NR3C2: variants seen among roughly 807,000 people sequenced by gnomAD.
NR3C2 encodes the protein mineralocorticoid receptor.
Under a neutral mutation model 86.4 loss-of-function variants are expected in NR3C2, and 15 were observed. The observed-to-expected ratio is 0.17, with a 90% CI of 0.12 to 0.27. The LOEUF (loss-of-function observed/expected upper bound fraction) is 0.27. Among genes scored for constraint, NR3C2 ranks in the 10% least tolerant of loss-of-function variants. NR3C2 has a pLI of 1.00. For missense variants in NR3C2, 960 were observed against 1,195.6 expected, an observed-to-expected ratio of 0.80 and a Z score of 2.91; for synonymous variants, 458 against 450.5, an observed-to-expected ratio of 1.02 and a Z score of -0.21.
chr4:148,221,368 T>G (rs1737831352), intron 3 of NR3C2, among the ~76,000 whole-genome samples: 1 of 152,228 alleles, frequency 6.6e-6, no homozygotes, highest in Non-Finnish European at 1.5e-5. Flanking sequence ...TTCACTGTAC[T>G]TCACTGTCAG....
chr4:148,429,518 A>T (rs1749702113), intron 2 of NR3C2, among the ~76,000 whole-genome samples: 1 of 152,206 alleles, frequency 6.6e-6, no homozygotes, highest in Non-Finnish European at 1.5e-5. Flanking sequence ...ACTTTTCTAC[A>T]TAAAAATTTT....
chr4:148,081,189 C>G lies in NR3C2; in HGVS notation c.*155G>C. On this transcript the variant is annotated 3_prime_UTR_variant, in exon 9 of 9. Transcript: ENST00000358102. Reference sequence around the variant, plus strand: ...GCCAAATCCACGGAAAAACAGCTTTCCCGGCTCCAAACCTCTGACATGACT... The same window carrying G: ...GCCAAATCCACGGAAAAACAGCTTTGCCGGCTCCAAACCTCTGACATGACT... 1 of 1,079,746 alleles carries G rather than the reference C, an allele frequency of 9.3e-7. No homozygotes were observed. Among genetic ancestry groups the G allele is most frequent in the African/African-American group, 1.6e-5 (1 of 64,008 alleles). 66.9% of individuals were successfully genotyped at this position (1,079,746 alleles called of 1,614,324 possible).
intron 2 of NR3C2, among the ~76,000 whole-genome samples, chr4:148,278,137 T>A (rs1360958327): frequency 6.6e-6 from 1 of 152,148 alleles, no homozygotes; most frequent in Non-Finnish European, 1.5e-5. Context: ...GTTCTCGCTC[T>A]GTTACCCAGG....
intron 3 of NR3C2, among the ~76,000 whole-genome samples, chr4:148,210,742 T>G (rs1384278013): frequency 6.6e-6 from 1 of 152,200 alleles, no homozygotes; most frequent in East Asian, 1.9e-4. Flanking sequence ...TCATAATAAG[T>G]TTCAAAAGCC....
chr4:148,248,761 A>T (rs1415384918), intron 3 of NR3C2, among the ~76,000 whole-genome samples: 2 of 152,196 alleles, frequency 1.3e-5, no homozygotes, highest in Non-Finnish European at 2.9e-5. Flanking sequence ...TTCAAATCAA[A>T]TATTTAACAT....
chr4:148,385,256 T>G (rs963847919), intron 2 of NR3C2, among the ~76,000 whole-genome samples: 1 of 152,360 alleles, frequency 6.6e-6, no homozygotes, highest in African/African-American at 2.4e-5. Context: ...CTATGCATCA[T>G]GTAGGTCATC....
chr4:148,176,465 AC>A (rs1353122203), intron 4 of NR3C2, among the ~76,000 whole-genome samples: 14 of 152,144 alleles, frequency 9.2e-5, no homozygotes, highest in Non-Finnish European at 1.6e-4. Flanking sequence ...TCTGGGATGA[AC>A]CCACCAATGT....
At chr4:148,358,067 T>C (rs1451697381) in intron 2 of NR3C2, among the ~76,000 whole-genome samples, 1 of 152,196 alleles carries the variant, frequency 6.6e-6, no homozygotes, top group Non-Finnish European at 1.5e-5. Context: ...GTGTGGCGAT[T>C]CCTCAGGGAT....
intron 2 of NR3C2, among the ~76,000 whole-genome samples, chr4:148,411,867 C>T (rs1030900470): frequency 2.0e-5 from 3 of 152,192 alleles, no homozygotes; most frequent in African/African-American, 7.2e-5. Flanking sequence ...GAAGGAACTC[C>T]AGGCCTCCTC....
chr4:148,413,481 T>C (rs918562329), intron 2 of NR3C2, among the ~76,000 whole-genome samples: 3 of 152,036 alleles, frequency 2.0e-5, no homozygotes, highest in South Asian at 2.1e-4. Flanking sequence ...GCAGTAAAAA[T>C]TGAAATTTTG....
chr4:148,404,974 G>T (rs61756950), intron 2 of NR3C2, among the ~76,000 whole-genome samples: 1 of 152,230 alleles, frequency 6.6e-6, no homozygotes, highest in East Asian at 1.9e-4. Context: ...TCATGTATTA[G>T]ATGTTTACCA....
In NR3C2 at chr4:148,373,472, TTTTTTTTC is replaced by T. The variant is rs1182744577; in HGVS notation, c.1757+61624_1757+61631del. Among the ~76,000 whole-genome samples, 559 of 135,212 alleles carry T rather than the reference TTTTTTTTC, an allele frequency of 4.1e-3. 2 individuals are homozygous for T. Among genetic ancestry groups the T allele is most frequent in the Non-Finnish European group, 6.5e-3 (412 of 63,182 alleles). 88.7% of individuals were successfully genotyped at this position (135,212 alleles called of 152,430 possible). A position where few individuals can be genotyped will look rare whatever the true frequency, so the allele number is the denominator to read the frequency against. The stretch of plus-strand genomic sequence containing the variant: ...TGCTGACTTGAACTAAAGGATGACT[TTTTTTTTC>T]TTTTTTTTTTTTTAGATGGAGTCTC... On this transcript the variant is annotated intron_variant, in intron 2 of 8. Coordinates refer to ENST00000358102, the MANE Select transcript of NR3C2 (RefSeq NM_000901.5).
chr4:148,363,675 T>G (rs1745966873), intron 2 of NR3C2, among the ~76,000 whole-genome samples: 3 of 152,054 alleles, frequency 2.0e-5, no homozygotes, highest in Non-Finnish European at 4.4e-5. Context: ...GGCTAATGTT[T>G]TGTATTTTTA....
At chr4:148,139,763 C>T (rs1261758075) in intron 6 of NR3C2, among the ~76,000 whole-genome samples, 1 of 152,178 alleles carries the variant, frequency 6.6e-6, no homozygotes, top group Non-Finnish European at 1.5e-5. Flanking sequence ...TTCCCTTCAT[C>T]CTCCACTTGT....
intron 2 of NR3C2, among the ~76,000 whole-genome samples, chr4:148,317,578 A>G (rs1004871609): frequency 9.9e-5 from 15 of 152,152 alleles, no homozygotes; most frequent in African/African-American, 3.6e-4. Context: ...TAAAGAAGAT[A>G]CAGAGAGGGA....
chr4:148,378,706 C>G (rs1369643691), intron 2 of NR3C2, among the ~76,000 whole-genome samples: 1 of 152,194 alleles, frequency 6.6e-6, no homozygotes, highest in Non-Finnish European at 1.5e-5. Context: ...TCCCCAGAAG[C>G]TGGGCAAATG....
At chr4:148,379,418 G>A (rs1746848275) in intron 2 of NR3C2, among the ~76,000 whole-genome samples, 2 of 152,258 alleles carry the variant, frequency 1.3e-5, no homozygotes. Flanking sequence ...AAGCAGAACG[G>A]CAACATGCAC....
Position 148,081,479 on chromosome 4 carries a change from T to A in NR3C2, c.2820A>T (p.Glu940Asp), listed in dbSNP as rs748285522. ...ACTCTCGGAAGGTGTAGAAGCAGAA[T>A]TCCAGCAGGTCGCTCACCAGCTGTA... ...SMHDLVSDLLEFCFYTFRESH... is the reference protein window; with the variant it reads ...SMHDLVSDLLDFCFYTFRESH... Residue 940 changes from glutamate (E) to aspartate (D), a missense_variant, in exon 9 of 9, where the codon GAA becomes GAT. Physicochemically the swap from Glu to Asp is conservative, Grantham distance 45. Transcript: ENST00000358102. 1 of 1,613,956 alleles carries A rather than the reference T, an allele frequency of 6.2e-7. No individual in the cohort carries two copies. Among genetic ancestry groups the A allele is most frequent in the Admixed American group, 1.7e-5 (1 of 60,000 alleles).
chr4:148,119,824 A>G (rs974398996), intron 7 of NR3C2, among the ~76,000 whole-genome samples: 1 of 152,046 alleles, frequency 6.6e-6, no homozygotes, highest in Non-Finnish European at 1.5e-5. Context: ...TGCTTAGAGT[A>G]TAAACTCCAT....
Sources: allele counts gnomAD v4.1 joint callset (sites outside exome capture counted in the v4.1 genomes callset), GRCh38; gene constraint gnomAD v4.1.1; transcripts MANE v1.5; gene names NCBI Gene and HGNC (gene_info 2026-07-23, HGNC 2026-07-21).